Variants in UGT1A9 observed in about 807,000 individuals in gnomAD.
UGT1A9 encodes UDP glucuronosyltransferase family 1 member A9, also known as UDP-glucuronosyltransferase 1A9.
In UGT1A9, 35 loss-of-function variants were observed where a neutral mutation model predicts 45.0. The ratio of observed to expected loss-of-function variants is 0.78; its 90% CI spans 0.59 to 1.03. The LOEUF is 1.03. Among genes scored for constraint, UGT1A9 ranks in the 50% least tolerant of loss-of-function variants. UGT1A9 has a pLI of 0.00. For missense variants in UGT1A9, 687 were observed against 666.6 expected, an observed-to-expected ratio of 1.03 and a Z score of -0.34; for synonymous variants, 278 against 250.6, an observed-to-expected ratio of 1.11 and a Z score of -1.03.
intron 1 of UGT1A9, chr2:233,693,251 G>T (rs1429681788): frequency 1.2e-6 from 2 of 1,613,978 alleles, no homozygotes; most frequent in Non-Finnish European, 1.7e-6. Context: ...AGTGCCGTAT[G>T]ACCAAGAAGA....
In UGT1A9 at chr2:233,719,646, A is replaced by C. The variant is rs147342917; in HGVS notation, c.855+46857A>C. The stretch of plus-strand genomic sequence containing the variant: ...GCCGATCATGCCCAACATGGTCTTC[A>C]TTGGGGGCATCAACTGTGCCAACGG... On this transcript the variant is annotated intron_variant, in intron 1 of 4. Transcript: ENST00000354728. 2.8e-3 allele frequency: 4,509 copies of C among 1,613,986 alleles called. 13 individuals carry two copies. Among genetic ancestry groups the C allele is most frequent in the Non-Finnish European group, 3.7e-3 (4,328 of 1,179,976 alleles).
chr2:233,750,062 A>G (rs140494674), intron 1 of UGT1A9, among the ~76,000 whole-genome samples: 5,134 of 151,936 alleles, frequency 0.034, 160 homozygotes, highest in African/African-American at 0.052. Flanking sequence ...TGACTTTGGA[A>G]CTGGGTAACA....
intron 1 of UGT1A9, among the ~76,000 whole-genome samples, chr2:233,766,756 G>A (rs1351928821): frequency 2.0e-5 from 3 of 152,168 alleles, no homozygotes; most frequent in Non-Finnish European, 4.4e-5. Flanking sequence ...GTGCATGTGT[G>A]TGCATGTACC....
intron 1 of UGT1A9, among the ~76,000 whole-genome samples, chr2:233,705,905 T>G (rs1056214511): frequency 3.3e-5 from 5 of 152,030 alleles, no homozygotes; most frequent in Admixed American, 3.3e-4. Flanking sequence ...CTGGCCAAAA[T>G]AGTGAAACTC....
intron 1 of UGT1A9, chr2:233,729,645 G>T (rs752981175): frequency 8.7e-6 from 14 of 1,613,504 alleles, no homozygotes; most frequent in Non-Finnish European, 1.2e-5. Flanking sequence ...TGTTTTTTTT[G>T]AGGAACATTC....
rs763644438 is a variant in UGT1A9 at position 233,767,047 on chromosome 2, ACATTAATGCTTC to A, written c.870_881del (p.Ile291_Ser294del). The A allele has an allele frequency of 7.4e-6, 12 of 1,614,036 alleles. No homozygotes were observed. The highest frequency in any genetic ancestry group is 9.3e-6 in the Non-Finnish European group (11 of 1,180,022). The stretch of plus-strand genomic sequence containing the variant: ...TTCTGGCTCTAGGAATTTGAAGCCT[ACATTAATGCTTC>A]TGGAGAACATGGAATTGTGGTTTTC... On this transcript the variant is annotated inframe_deletion, in exon 2 of 5. Coordinates refer to ENST00000354728, the MANE Select transcript of UGT1A9 (RefSeq NM_021027.3).
At chr2:233,681,083 C>G (rs1479456676) in intron 1 of UGT1A9, among the ~76,000 whole-genome samples, 1 of 151,734 alleles carries the variant, frequency 6.6e-6, no homozygotes, top group South Asian at 2.1e-4. Flanking sequence ...TGTGGCTCAC[C>G]TGTGTCTCTG....
chr2:233,719,848 T>G (rs1575529888), intron 1 of UGT1A9, among the ~76,000 whole-genome samples: 1 of 152,206 alleles, frequency 6.6e-6, no homozygotes, highest in Non-Finnish European at 1.5e-5. Context: ...TATTTCAAGT[T>G]TTCAGTGGTC....
At chr2:233,680,914 A>G (rs12474215) in intron 1 of UGT1A9, among the ~76,000 whole-genome samples, 1 of 151,884 alleles carries the variant, frequency 6.6e-6, no homozygotes, top group Non-Finnish European at 1.5e-5. Flanking sequence ...AATGTATCTG[A>G]GGAAAGCCAT....
intron 1 of UGT1A9, among the ~76,000 whole-genome samples, chr2:233,751,390 T>C (rs1694715648): frequency 6.6e-6 from 1 of 152,170 alleles, no homozygotes; most frequent in Non-Finnish European, 1.5e-5. Flanking sequence ...TTGTCTCAGA[T>C]AAGACTTTGG....
At chr2:233,688,191 G>A (rs924527532) in intron 1 of UGT1A9, among the ~76,000 whole-genome samples, 8 of 152,098 alleles carry the variant, frequency 5.3e-5, no homozygotes, top group African/African-American at 1.7e-4. Flanking sequence ...CTTTATGACC[G>A]GCTTCTTTCA....
rs961413232 is a variant in UGT1A9 at position 233,745,610 on chromosome 2, A to G, written c.856-21424A>G. Among the ~76,000 whole-genome samples the G allele has an allele frequency of 4.0e-4, 61 of 151,736 alleles. 2 individuals carry two copies. Among genetic ancestry groups the G allele is most frequent in the African/African-American group, 1.3e-3 (55 of 41,108 alleles). ...GACCCGGACTTGGCACTTGGTAAGCACACAATGAACAGTCATAGAAAGCTG... is the reference window on the plus strand; with the variant it reads ...GACCCGGACTTGGCACTTGGTAAGCGCACAATGAACAGTCATAGAAAGCTG... On this transcript the variant is annotated intron_variant, in intron 1 of 4. Coordinates refer to ENST00000354728, the MANE Select transcript of UGT1A9 (RefSeq NM_021027.3).
At chr2:233,752,571 C>A (rs1486074220) in intron 1 of UGT1A9, 2 of 152,178 alleles carry the variant, frequency 1.3e-5, no homozygotes, top group African/African-American at 2.4e-5. Flanking sequence ...AGTGGGTCAA[C>A]ATCATTCCCA....
intron 1 of UGT1A9, among the ~76,000 whole-genome samples, chr2:233,764,956 C>T (rs371892810): frequency 2.6e-5 from 4 of 152,042 alleles, no homozygotes; most frequent in Non-Finnish European, 5.9e-5. Context: ...AGAGAGGGCT[C>T]ACCTTGGGAG....
intron 1 of UGT1A9, among the ~76,000 whole-genome samples, chr2:233,765,461 A>G (rs963338723): frequency 3.9e-5 from 6 of 152,204 alleles, no homozygotes; most frequent in Non-Finnish European, 8.8e-5. Flanking sequence ...TTGCAAGGAC[A>G]TGGATGAAGC....
chr2:233,729,088 C>CG (rs1559373560), intron 1 of UGT1A9: 1 of 1,612,432 alleles, frequency 6.2e-7, no homozygotes, highest in Admixed American at 1.7e-5. Flanking sequence ...GCAGGCACAG[C>CG]GTGGGGTGGA....
chr2:233,757,956 G>C (rs1696761467), intron 1 of UGT1A9, among the ~76,000 whole-genome samples: 1 of 152,144 alleles, frequency 6.6e-6, no homozygotes, highest in Admixed American at 6.5e-5. Flanking sequence ...CTGCCCTGCT[G>C]TGTGATTTCT....
Position 233,772,354 on chromosome 2 carries a change from T to C in UGT1A9, c.1388T>C (p.Met463Thr). 1 of 1,614,252 alleles carries C rather than the reference T, an allele frequency of 6.2e-7. No individual in the cohort carries two copies. The highest frequency in any genetic ancestry group is 8.5e-7 in the Non-Finnish European group (1 of 1,180,050). ...GCCGTGTTCTGGGTGGAGTTTGTGATGAGGCACAAGGGCGCGCCACACCTG... is the reference window on the plus strand; with the variant it reads ...GCCGTGTTCTGGGTGGAGTTTGTGACGAGGCACAAGGGCGCGCCACACCTG... ...DLAVFWVEFV[M>T]RHKGAPHLRP... Residue 463 changes from methionine to threonine, a missense_variant, in exon 5 of 5, where the codon ATG becomes ACG. Transcript: ENST00000354728.
At chr2:233,730,892 ACTC>A (rs1261196505) in intron 1 of UGT1A9, among the ~76,000 whole-genome samples, 1 of 151,952 alleles carries the variant, frequency 6.6e-6, no homozygotes, top group African/African-American at 2.4e-5. Context: ...AGTGGGATCT[ACTC>A]CTTTACCAAA....
Sources: allele counts gnomAD v4.1 joint callset (sites outside exome capture counted in the v4.1 genomes callset), GRCh38; gene constraint gnomAD v4.1.1; transcripts MANE v1.5; gene names NCBI Gene and HGNC (gene_info 2026-07-23, HGNC 2026-07-21).